The following KAZN variants were observed in gnomAD, a reference collection of about 807,000 sequenced individuals.
KAZN encodes the protein kazrin, periplakin interacting protein.
Under a neutral mutation model 87.4 loss-of-function variants are expected in KAZN, and 40 were observed. The observed-to-expected ratio is 0.46, with a 90% confidence interval of 0.36 to 0.60. The LOEUF (loss-of-function observed/expected upper bound fraction) is 0.60. Among genes scored for constraint, KAZN ranks in the 20% least tolerant of loss-of-function variants. The pLI, the probability that KAZN is intolerant of heterozygous loss-of-function variation, is 0.00. For missense variants in KAZN, 898 were observed against 1,073.9 expected, an observed-to-expected ratio of 0.84 and a Z score of 2.29; for synonymous variants, 466 against 458.3, an observed-to-expected ratio of 1.02 and a Z score of -0.22.
In KAZN at chr1:14,777,966, G is replaced by T. The variant is rs556064110; in HGVS notation, c.226+178743G>T. ...TAATGAGCCATGAGGACGATCAAAG[G>T]TCACTCTCGCCACCATCTTGGTTTT... is the stretch of plus-strand genomic sequence containing the variant. On this transcript the variant is annotated intron_variant, in intron 1 of 14. Transcript: ENST00000376030. 2.0e-5 allele frequency among the ~76,000 whole-genome samples: 3 copies of T among 152,234 alleles called. No homozygotes were observed. The East Asian group carries it at 5.8e-4, about 29-fold the overall frequency.
At position 15,099,918 on chromosome 1, in the gene KAZN, C is replaced by T. The variant is rs1002240032; in HGVS notation, c.1548-1625C>T. 6.6e-6 allele frequency among the ~76,000 whole-genome samples: 1 copy of T among 152,064 alleles called. No individual in the cohort carries two copies. Among genetic ancestry groups the T allele is most frequent in the Non-Finnish European group, 1.5e-5 (1 of 68,008 alleles). Reference sequence around the variant, plus strand: ...GACCAGAGTGACCGACAGACAAGGACGGGCTATCAGCTTGGGAGCTGGGTG... The same window carrying T: ...GACCAGAGTGACCGACAGACAAGGATGGGCTATCAGCTTGGGAGCTGGGTG... On this transcript the variant is annotated intron_variant, in intron 10 of 14. Transcript: ENST00000376030. The surrounding 1 kb of genome is among the most constrained non-coding windows in gnomAD (Gnocchi z 5.4).
chr1:14,831,058 C>A (rs548858177), intron 1 of KAZN, among the ~76,000 whole-genome samples: 1 of 152,354 alleles, frequency 6.6e-6, no homozygotes, highest in African/African-American at 2.4e-5. Flanking sequence ...CAGGGTTTCA[C>A]CATGTTGGCC....
chr1:14,916,891 G>A (rs1291968581), intron 1 of KAZN, among the ~76,000 whole-genome samples: 1 of 150,970 alleles, frequency 6.6e-6, no homozygotes, highest in East Asian at 1.9e-4. Flanking sequence ...TCTAGGCTGG[G>A]TGACAAGCAA....
At chr1:14,784,646 G>T (rs994581548) in intron 1 of KAZN, among the ~76,000 whole-genome samples, 1 of 152,214 alleles carries the variant, frequency 6.6e-6, no homozygotes, top group South Asian at 2.1e-4. Context: ...CTAGTCTCTG[G>T]TACTTGGGAG....
chr1:14,749,846 TG>T (rs1644363870), intron 1 of KAZN, among the ~76,000 whole-genome samples: 1 of 152,082 alleles, frequency 6.6e-6, no homozygotes, highest in Non-Finnish European at 1.5e-5. Flanking sequence ...TTTCCTCATT[TG>T]TCAAGCAGTG....
chr1:14,486,513 T>C (rs1336361156), intron 2 of KAZN, among the ~76,000 whole-genome samples: 1 of 152,248 alleles, frequency 6.6e-6, no homozygotes, highest in Non-Finnish European at 1.5e-5. Context: ...TCTACCGTTG[T>C]ATGTTACTCA....
intron 2 of KAZN, among the ~76,000 whole-genome samples, chr1:14,412,864 T>C (rs1280654060): frequency 1.3e-5 from 2 of 151,066 alleles, no homozygotes; most frequent in African/African-American, 4.8e-5. Context: ...TATCATAAAA[T>C]TGTAGTCATG....
At chr1:14,731,280 T>C (rs1643665241) in intron 1 of KAZN, among the ~76,000 whole-genome samples, 1 of 152,210 alleles carries the variant, frequency 6.6e-6, no homozygotes, top group Non-Finnish European at 1.5e-5. Context: ...AGCACCCATT[T>C]TCCCATCTGT....
At chr1:14,703,608 T>C (rs1173134980) in intron 1 of KAZN, among the ~76,000 whole-genome samples, 6 of 152,224 alleles carry the variant, frequency 3.9e-5, no homozygotes, top group Admixed American at 1.3e-4. Context: ...ATTAGCAGCA[T>C]GAGAATGGAC....
At chr1:14,951,333 C>G (rs1483092281) in intron 1 of KAZN, among the ~76,000 whole-genome samples, 1 of 152,134 alleles carries the variant, frequency 6.6e-6, no homozygotes, top group South Asian at 2.1e-4. Flanking sequence ...TGCTGGGTAC[C>G]TGCTTTGTTG....
intron 2 of KAZN, among the ~76,000 whole-genome samples, chr1:14,185,853 C>G (rs1444353235): frequency 2.0e-5 from 3 of 152,150 alleles, no homozygotes; most frequent in African/African-American, 7.2e-5. Flanking sequence ...AAGTTAGACC[C>G]TCCTGAGACC....
chr1:14,391,568 A>G (rs1662427551), intron 2 of KAZN: 1 of 152,234 alleles, frequency 6.6e-6, no homozygotes, highest in African/African-American at 2.4e-5. Flanking sequence ...AGTACATCCT[A>G]TTGGCACCAC....
intron 1 of KAZN, among the ~76,000 whole-genome samples, chr1:14,015,381 C>T (rs16853407): frequency 0.17 from 25,518 of 150,386 alleles, 2,326 homozygotes; most frequent in African/African-American, 0.21. Context: ...CTCAGTGGAC[C>T]TAGGCATGGC....
intron 1 of KAZN, among the ~76,000 whole-genome samples, chr1:14,044,840 CA>C (rs1238873297): frequency 2.0e-5 from 3 of 152,112 alleles, no homozygotes; most frequent in Non-Finnish European, 2.9e-5. Context: ...ACTTTCTTGA[CA>C]ATAAGATGTG....
intron 2 of KAZN, among the ~76,000 whole-genome samples, chr1:14,514,655 G>C (rs1422748581): frequency 2.6e-5 from 2 of 78,408 alleles, no homozygotes; most frequent in African/African-American, 1.0e-4. Context: ...AATTGCAAAA[G>C]TATAGCAAGA....
chr1:14,212,559 A>G (rs1251316589), intron 2 of KAZN, among the ~76,000 whole-genome samples: 1 of 152,020 alleles, frequency 6.6e-6, no homozygotes, highest in Non-Finnish European at 1.5e-5. Context: ...ATTCTCTTAG[A>G]ATGGAATAGA....
chr1:15,057,930 A>G (rs1638444385), intron 5 of KAZN, among the ~76,000 whole-genome samples: 1 of 152,172 alleles, frequency 6.6e-6, no homozygotes, highest in African/African-American at 2.4e-5. Context: ...CTGGTCTGGG[A>G]AAGCTTGGAC....
intron 2 of KAZN, among the ~76,000 whole-genome samples, chr1:14,312,279 T>C (rs1477333237): frequency 6.6e-6 from 1 of 152,200 alleles, no homozygotes; most frequent in African/African-American, 2.4e-5. Context: ...CCTGTTTCTT[T>C]CTCTTTGCAG....
At chr1:14,511,999 G>T (rs1159410533) in intron 2 of KAZN, among the ~76,000 whole-genome samples, 1 of 152,178 alleles carries the variant, frequency 6.6e-6, no homozygotes, top group Non-Finnish European at 1.5e-5. Context: ...GGGGTGGAAA[G>T]GGAGGTCAGG....
Sources: allele counts gnomAD v4.1 joint callset (sites outside exome capture counted in the v4.1 genomes callset), GRCh38; gene constraint gnomAD v4.1.1; non-coding constraint Gnocchi (gnomAD v3.1); transcripts MANE v1.5; gene names NCBI Gene and HGNC (gene_info 2026-07-23, HGNC 2026-07-21).